The following PNPT1 variants were observed in gnomAD, a reference collection of about 807,000 sequenced individuals.
PNPT1 encodes polyribonucleotide nucleotidyltransferase 1, also known as polyribonucleotide nucleotidyltransferase 1, mitochondrial.
PNPT1 carries 53 observed loss-of-function variants against 119.5 expected under a neutral mutation model. The observed-to-expected ratio is 0.44, with a 90% CI of 0.36 to 0.56. The LOEUF (loss-of-function observed/expected upper bound fraction) is 0.56. Among genes scored for constraint, PNPT1 ranks in the 20% least tolerant of loss-of-function variants. The pLI, the probability that PNPT1 is intolerant of heterozygous loss-of-function variation, is 0.00. For synonymous variants in PNPT1, 357 were observed against 322.1 expected (o/e 1.11, Z -1.16); for missense variants, 948 against 938.5 (o/e 1.01, Z -0.13).
intron 8 of PNPT1, among the ~76,000 whole-genome samples, chr2:55,677,115 A>C (rs972065718): frequency 6.6e-6 from 1 of 152,178 alleles, no homozygotes; most frequent in Non-Finnish European, 1.5e-5. Flanking sequence ...GAGGCTGGTA[A>C]TTCCTAAAAA....
chr2:55,665,186 G>A (rs1199548390), intron 13 of PNPT1, among the ~76,000 whole-genome samples: 2 of 152,136 alleles, frequency 1.3e-5, no homozygotes, highest in Non-Finnish European at 2.9e-5. Flanking sequence ...GACATCACAA[G>A]TCATTGAGAA....
intron 26 of PNPT1, among the ~76,000 whole-genome samples, chr2:55,640,239 C>T (rs1435809649): frequency 1.3e-5 from 2 of 152,192 alleles, no homozygotes; most frequent in East Asian, 1.9e-4. Context: ...CCGCATCCTC[C>T]GCCTCCCGGG....
chr2:55,686,310 T>C, intron 3 of PNPT1, 60 bp downstream of exon 3: 1 of 1,484,944 alleles, frequency 6.7e-7, no homozygotes, highest in Non-Finnish European at 9.3e-7. Flanking sequence ...ACAAAAATAT[T>C]ATACATTCTA....
Position 55,646,256 on chromosome 2 carries a change from C to T in PNPT1, c.1738+3G>A. On this transcript the variant is annotated splice_donor_region_variant and intron_variant, in intron 21 of 27. Coordinates refer to ENST00000447944, the MANE Select transcript of PNPT1 (RefSeq NM_033109.5). ...GAAGGGAGAATCAAGCACACTAGCTCACCTGAAGCTTGTTGAATAGCCTCC... is the reference window on the plus strand; with the variant it reads ...GAAGGGAGAATCAAGCACACTAGCTTACCTGAAGCTTGTTGAATAGCCTCC... 6.2e-7 allele frequency: 1 copy of T among 1,610,562 alleles called. No homozygotes were observed. Among genetic ancestry groups the T allele is most frequent in the Non-Finnish European group, 8.5e-7 (1 of 1,177,142 alleles).
chr2:55,661,928 T>A (rs772981184), intron 14 of PNPT1, 28 bp downstream of exon 14: 5 of 1,527,920 alleles, frequency 3.3e-6, no homozygotes, highest in Non-Finnish European at 4.4e-6. Flanking sequence ...TCATAAAACG[T>A]AACAAACATC....
intron 1 of PNPT1, among the ~76,000 whole-genome samples, chr2:55,691,956 T>C (rs1038541084): frequency 1.4e-5 from 2 of 146,072 alleles, no homozygotes; most frequent in African/African-American, 5.1e-5. Flanking sequence ...GCACGATCTC[T>C]GCCACTGCAA....
At chr2:55,679,037 A>C (rs1223550515) in intron 8 of PNPT1, among the ~76,000 whole-genome samples, 1 of 152,224 alleles carries the variant, frequency 6.6e-6, no homozygotes, top group Non-Finnish European at 1.5e-5. Flanking sequence ...GTCCAAGATC[A>C]CATGATTATA....
At chr2:55,661,619 G>A (rs567089242) in intron 14 of PNPT1, among the ~76,000 whole-genome samples, 7 of 152,128 alleles carry the variant, frequency 4.6e-5, no homozygotes, top group Non-Finnish European at 8.8e-5. Context: ...GGGAGCTTTC[G>A]TGTATTCATT....
intron 5 of PNPT1, among the ~76,000 whole-genome samples, chr2:55,681,573 G>T (rs1450946995): frequency 6.6e-6 from 1 of 152,282 alleles, no homozygotes; most frequent in South Asian, 2.1e-4. Flanking sequence ...GGCCAGGCAT[G>T]GTGGCTCACG....
At chr2:55,690,495 C>G (rs1697562237) in intron 1 of PNPT1, among the ~76,000 whole-genome samples, 1 of 152,146 alleles carries the variant, frequency 6.6e-6, no homozygotes, top group Non-Finnish European at 1.5e-5. Context: ...CTTTCACATA[C>G]CAAGGAGATG....
chr2:55,690,445 A>G (rs1046804144), intron 1 of PNPT1, among the ~76,000 whole-genome samples: 6 of 152,236 alleles, frequency 3.9e-5, no homozygotes, highest in Non-Finnish European at 7.3e-5. Context: ...ACAAGCATGT[A>G]GACAGGCCCA....
chr2:55,661,282 G>A (rs752027038), intron 14 of PNPT1, among the ~76,000 whole-genome samples: 3 of 151,502 alleles, frequency 2.0e-5, no homozygotes, highest in Non-Finnish European at 4.4e-5. Context: ...CAGTAGGGAC[G>A]GAATTTCACC....
At chr2:55,665,646 C>T (rs1696709715) in intron 13 of PNPT1, among the ~76,000 whole-genome samples, 1 of 152,150 alleles carries the variant, frequency 6.6e-6, no homozygotes, top group Non-Finnish European at 1.5e-5. Flanking sequence ...TAGGGGACAA[C>T]ATTCATGTGG....
intron 25 of PNPT1, 86 bp from the exon 26 acceptor site, chr2:55,640,791 A>C: frequency 1.1e-6 from 1 of 937,610 alleles, no homozygotes; most frequent in Non-Finnish European, 1.6e-6. Flanking sequence ...TCATATGAGG[A>C]AAAAGTAAAA....
At chr2:55,663,313 A>G (rs1180653819) in intron 13 of PNPT1, among the ~76,000 whole-genome samples, 2 of 152,254 alleles carry the variant, frequency 1.3e-5, no homozygotes, top group African/African-American at 4.8e-5. Flanking sequence ...GAGCATGAAG[A>G]TGAATGAACA....
Position 55,644,688 on chromosome 2 carries a change from T to G in PNPT1, c.1855A>C (p.Lys619Gln), listed in dbSNP as rs750772664. Residue 619 changes from lysine (K) to glutamine (Q), a missense_variant, in exon 23 of 28, where the codon AAA (lysine) becomes CAA (glutamine). By Grantham distance (53) the Lys-to-Gln change is moderately conservative. Coordinates refer to ENST00000447944, the MANE Select transcript of PNPT1 (RefSeq NM_033109.5). ...TTATAGCCACCAGGTCCAACAAATT[T>G]TGCTCGTTTTGATAATGGAACCTGA... ...TVQVPLSKRA[K>Q]FVGPGGYNLK... 3 of 1,612,642 alleles carry G rather than the reference T, an allele frequency of 1.9e-6. No homozygotes were observed. The highest frequency in any genetic ancestry group is 2.5e-6 in the Non-Finnish European group (3 of 1,178,984).
chr2:55,687,791 G>T, intron 1 of PNPT1, 86 bp from the exon 2 acceptor site: 3 of 1,070,824 alleles, frequency 2.8e-6, no homozygotes, highest in South Asian at 3.5e-5. Flanking sequence ...AGATTCTAAG[G>T]GAAGATTCTA....
chr2:55,650,719 C>G (rs1444284027), intron 18 of PNPT1, among the ~76,000 whole-genome samples: 1 of 151,064 alleles, frequency 6.6e-6, no homozygotes, highest in Non-Finnish European at 1.5e-5. Flanking sequence ...CCCGGCCGCC[C>G]CGTCTGAGAA....
intron 25 of PNPT1, among the ~76,000 whole-genome samples, chr2:55,641,826 T>A (rs1274688648): frequency 6.6e-6 from 1 of 151,754 alleles, no homozygotes; most frequent in Non-Finnish European, 1.5e-5. Context: ...TCAAAAAAAA[T>A]GCTTTGAGAC....
Sources: gnomAD v4.1 joint callset for allele counts (sites outside exome capture counted in the v4.1 genomes callset) on GRCh38, gnomAD v4.1.1 for gene constraint, MANE v1.5 for transcripts, NCBI Gene and HGNC (gene_info 2026-07-23, HGNC 2026-07-21) for gene names.